Variants in CHL1 observed in about 807,000 individuals in gnomAD.
CHL1 encodes cell adhesion molecule L1 like.
CHL1 carries 96 observed loss-of-function variants against 141.9 expected under a neutral mutation model. The ratio of observed to expected loss-of-function variants is 0.68; its 90% CI spans 0.57 to 0.80. The LOEUF (loss-of-function observed/expected upper bound fraction) is 0.80, where lower values mean the gene tolerates loss of function less well. Ranked by LOEUF, CHL1 falls within the 30% of genes least tolerant of loss-of-function variation. The probability of loss-of-function intolerance (pLI) is 0.00; values close to 1 mark genes in which losing one functional copy is unlikely to be tolerated. For synonymous variants in CHL1, 613 were observed against 502.2 expected, an observed-to-expected ratio of 1.22 and a Z score of -2.95; for missense variants, 1,820 against 1,457.2, an observed-to-expected ratio of 1.25 and a Z score of -4.05.
At chr3:243,748 A>T (rs1160454271) in intron 1 of CHL1, among the ~76,000 whole-genome samples, 1 of 152,138 alleles carries the variant, frequency 6.6e-6, no homozygotes, top group Non-Finnish European at 1.5e-5. Context: ...AGGGCCAAAG[A>T]TGTAGTTTTA....
chr3:306,684 G>A (rs543884079), intron 2 of CHL1, among the ~76,000 whole-genome samples: 1 of 152,010 alleles, frequency 6.6e-6, no homozygotes, highest in Admixed American at 6.6e-5. Context: ...AAAAAGAAAT[G>A]TGATGACAAA....
chr3:376,452 C>G, intron 15 of CHL1: 1 of 510,252 alleles, frequency 2.0e-6, no homozygotes, highest in South Asian at 1.4e-5. Flanking sequence ...TACCACATTT[C>G]GAGGACTAGT....
chr3:320,390 A>G (rs1700468112), intron 3 of CHL1, among the ~76,000 whole-genome samples: 1 of 152,070 alleles, frequency 6.6e-6, no homozygotes, highest in Non-Finnish European at 1.5e-5. Flanking sequence ...TATAGTGTGA[A>G]TTCATATTAA....
At position 409,188 on chromosome 3, in the gene CHL1, A is replaced by G. The variant is rs1709713203; in HGVS notation, c.*3477A>G. 1 of 152,072 alleles carries G rather than the reference A, an allele frequency of 6.6e-6. No homozygotes were observed. Among genetic ancestry groups the G allele is most frequent in the Admixed American group, 6.6e-5 (1 of 15,238 alleles). 9.4% of individuals were successfully genotyped at this position (152,072 alleles called of 1,614,324 possible). On this transcript the variant is annotated 3_prime_UTR_variant, in exon 28 of 28. Transcript: ENST00000256509. The stretch of plus-strand genomic sequence containing the variant: ...CAAAGCTTTCTTTGTTTTGTACCTT[A>G]AATTGTTCGATTACGTCATCAAAAG...
At chr3:309,335 G>C (rs1559233178) in intron 2 of CHL1, 1 of 152,070 alleles carries the variant, frequency 6.6e-6, no homozygotes, top group African/African-American at 2.4e-5. Context: ...CTGGGCGCTG[G>C]TTGGAAAGAA....
chr3:334,155 C>G (rs566828202), intron 5 of CHL1, among the ~76,000 whole-genome samples: 94 of 152,120 alleles, frequency 6.2e-4, no homozygotes, highest in Admixed American at 2.5e-3. Context: ...ATTTACATAT[C>G]ATAAATTTTA....
At chr3:298,896 A>C (rs13071211) in intron 2 of CHL1, among the ~76,000 whole-genome samples, 5,177 of 152,320 alleles carry the variant, frequency 0.034, 82 homozygotes, top group Middle Eastern at 0.051. Flanking sequence ...TAAACCCTTA[A>C]ATAACTTGTG....
chr3:368,956 TC>T (rs201369495), intron 15 of CHL1, among the ~76,000 whole-genome samples: 3,901 of 152,320 alleles, frequency 0.026, 86 homozygotes, highest in Non-Finnish European at 0.035. Context: ...TGTCTATATG[TC>T]TGTTTTCATA....
At chr3:206,766 C>T (rs184055664) in intron 1 of CHL1, among the ~76,000 whole-genome samples, 71 of 152,230 alleles carry the variant, frequency 4.7e-4, no homozygotes, top group African/African-American at 1.6e-3. Flanking sequence ...CCCTGGGCAT[C>T]ATTATATGTA....
chr3:361,605 G>A (rs9824311), intron 12 of CHL1, 94 bp from the exon 13 acceptor site: 445,681 of 772,728 alleles, frequency 0.58, 129,814 homozygotes, highest in Admixed American at 0.71. Context: ...GCTGTTTTCT[G>A]TTTGTATTCG....
intron 15 of CHL1, among the ~76,000 whole-genome samples, chr3:367,261 A>G (rs865981535): frequency 6.6e-6 from 1 of 152,232 alleles, no homozygotes; most frequent in African/African-American, 2.4e-5. Context: ...CTCCCCTCTC[A>G]TTAATTTTGT....
chr3:275,999 G>A (rs1279890156), intron 2 of CHL1, among the ~76,000 whole-genome samples: 1 of 151,912 alleles, frequency 6.6e-6, no homozygotes, highest in Non-Finnish European at 1.5e-5. Context: ...GAATGTTTAA[G>A]AAGGTAATTT....
At chr3:268,274 C>T (rs1032096333) in intron 2 of CHL1, among the ~76,000 whole-genome samples, 2 of 152,138 alleles carry the variant, frequency 1.3e-5, no homozygotes, top group Non-Finnish European at 2.9e-5. Flanking sequence ...TGGCTCACTC[C>T]TATAATCCCA....
intron 2 of CHL1, among the ~76,000 whole-genome samples, chr3:304,726 G>A (rs539446116): frequency 7.0e-4 from 107 of 152,014 alleles, no homozygotes; most frequent in Non-Finnish European, 1.3e-3. Context: ...AGGGTTTTTC[G>A]TGTCTCTATC....
chr3:384,542 G>A (rs1267762446), intron 19 of CHL1: 1 of 152,090 alleles, frequency 6.6e-6, no homozygotes, highest in Non-Finnish European at 1.5e-5. Flanking sequence ...TTTGAATTTT[G>A]CATAAAAATG....
At chr3:301,106 A>G (rs2124901459) in intron 2 of CHL1, among the ~76,000 whole-genome samples, 1 of 152,336 alleles carries the variant, frequency 6.6e-6, no homozygotes, top group East Asian at 1.9e-4. Flanking sequence ...ATATTAACCC[A>G]GATCTCCTTT....
intron 23 of CHL1, 55 bp from the exon 24 acceptor site, chr3:394,638 A>G: frequency 7.9e-7 from 1 of 1,260,200 alleles, no homozygotes; most frequent in Non-Finnish European, 1.1e-6. Flanking sequence ...ATAATGAAGA[A>G]TGCAACTTGA....
intron 5 of CHL1, among the ~76,000 whole-genome samples, chr3:339,183 A>G (rs1702169284): frequency 6.6e-6 from 1 of 152,184 alleles, no homozygotes; most frequent in Non-Finnish European, 1.5e-5. Flanking sequence ...AGCGAATAAA[A>G]CTAAATAAGT....
chr3:286,318 T>C (rs1238340842), intron 2 of CHL1, among the ~76,000 whole-genome samples: 1 of 151,816 alleles, frequency 6.6e-6, no homozygotes. Context: ...GCAAGTTTAT[T>C]AAGAAAGTAG....
Sources: allele counts gnomAD v4.1 joint callset (sites outside exome capture counted in the v4.1 genomes callset), GRCh38; gene constraint gnomAD v4.1.1; transcripts MANE v1.5; gene names NCBI Gene and HGNC (gene_info 2026-07-23, HGNC 2026-07-21).